Variants in CIT observed in about 807,000 individuals in gnomAD.
CIT encodes citron Rho-interacting kinase.
A neutral mutation model predicts 272.7 loss-of-function variants in CIT; 79 were observed. The ratio of observed to expected loss-of-function variants is 0.29; its 90% CI spans 0.24 to 0.35. The LOEUF (loss-of-function observed/expected upper bound fraction) is 0.35, where lower values mean the gene tolerates loss of function less well. CIT is among the 10% of genes least tolerant of loss of function. CIT has a pLI of 1.00. For synonymous variants in CIT, 948 were observed against 995.6 expected, an observed-to-expected ratio of 0.95 and a Z score of 0.90; for missense variants, 1,909 against 2,618.3, an observed-to-expected ratio of 0.73 and a Z score of 5.91.
chr12:119,747,802 C>A, intron 23 of CIT, among the ~76,000 whole-genome samples: 1 of 152,142 alleles, frequency 6.6e-6, no homozygotes, highest in East Asian at 1.9e-4. Flanking sequence ...ACTAACATTG[C>A]TTTTGCACCA....
At chr12:119,707,076 C>A (rs753009537) in intron 40 of CIT, among the ~76,000 whole-genome samples, 4 of 152,110 alleles carry the variant, frequency 2.6e-5, no homozygotes, top group Non-Finnish European at 5.9e-5. Context: ...GTCATAAATT[C>A]GAATTTTTAA....
intron 24 of CIT, among the ~76,000 whole-genome samples, chr12:119,738,622 A>G (rs778249176): frequency 4.6e-5 from 7 of 152,092 alleles, no homozygotes; most frequent in Non-Finnish European, 8.8e-5. Context: ...GGTGGCTCAC[A>G]CCTGTAATCC....
At chr12:119,698,762 A>C (rs1956378431) in intron 44 of CIT, among the ~76,000 whole-genome samples, 1 of 152,156 alleles carries the variant, frequency 6.6e-6, no homozygotes, top group Admixed American at 6.5e-5. Context: ...ATTTTTAAAA[A>C]GCTGGAAAAA....
chr12:119,827,705 G>A (rs1195215401), intron 7 of CIT, among the ~76,000 whole-genome samples: 2 of 152,162 alleles, frequency 1.3e-5, no homozygotes, highest in African/African-American at 4.8e-5. Flanking sequence ...CCAAAGTGCT[G>A]GGATTACAAG....
At chr12:119,691,171 CAA>C (rs35222584) in intron 46 of CIT, among the ~76,000 whole-genome samples, 1,398 of 70,216 alleles carry the variant, frequency 0.02, 7 homozygotes, top group African/African-American at 0.07. Context: ...GACTCCGTCT[CAA>C]AAAAAAAAAA....
chr12:119,688,355 C>A (rs1346934248), intron 47 of CIT, 100 bp from the exon 48 acceptor site: 40 of 1,198,964 alleles, frequency 3.3e-5, no homozygotes, highest in Non-Finnish European at 1.2e-6. Context: ...CTGGGCTATC[C>A]CCTTCAGCAG....
chr12:119,739,414 CATA>C (rs1247539832), intron 24 of CIT, among the ~76,000 whole-genome samples: 2 of 152,040 alleles, frequency 1.3e-5, no homozygotes, highest in Non-Finnish European at 2.9e-5. Flanking sequence ...TGGGAACTCC[CATA>C]ATAACTCATT....
At chr12:119,870,517 T>G (rs1950638271) in intron 2 of CIT, among the ~76,000 whole-genome samples, 1 of 116,628 alleles carries the variant, frequency 8.6e-6, no homozygotes, top group African/African-American at 3.4e-5. Context: ...ACCACCGCAC[T>G]CCAGCCTAGG....
intron 4 of CIT, 36 bp from the exon 5 acceptor site, chr12:119,850,311 G>C (rs1970120674): frequency 7.5e-7 from 1 of 1,334,848 alleles, no homozygotes; most frequent in East Asian, 2.4e-5. Flanking sequence ...CAATTATAAA[G>C]AACTGTGAGA....
At chr12:119,766,013 A>G (rs2137542755) in intron 19 of CIT, among the ~76,000 whole-genome samples, 1 of 152,292 alleles carries the variant, frequency 6.6e-6, no homozygotes, top group East Asian at 1.9e-4. Context: ...GGATGAATGG[A>G]TAAAGAAAAT....
At chr12:119,875,266 G>A (rs1468814949) in intron 2 of CIT, among the ~76,000 whole-genome samples, 1 of 152,196 alleles carries the variant, frequency 6.6e-6, no homozygotes, top group African/African-American at 2.4e-5. Context: ...TTGTGCCAAT[G>A]CACTCCAGCC....
At chr12:119,776,928 A>C in intron 13 of CIT, 86 bp from the exon 14 acceptor site, 1 of 1,380,128 alleles carries the variant, frequency 7.2e-7, no homozygotes, top group Non-Finnish European at 1.0e-6. Context: ...TATTAACCAC[A>C]CAGGGAAGAT....
At chr12:119,802,786 C>T (rs1052852117) in intron 10 of CIT, among the ~76,000 whole-genome samples, 1 of 152,210 alleles carries the variant, frequency 6.6e-6, no homozygotes, top group Non-Finnish European at 1.5e-5. Flanking sequence ...ATTCTTTATA[C>T]AGCCAAGATA....
chr12:119,701,924 T>C lies in CIT; in HGVS notation c.5339A>G (p.His1780Arg). 2 of 1,613,918 alleles carry C rather than the reference T, an allele frequency of 1.2e-6. No individual in the cohort carries two copies. The highest frequency in any genetic ancestry group is 2.2e-5 in the East Asian group (1 of 44,876). The change falls in exon 42 of 48, where the codon CAC becomes CGC. Residue 1780 changes from histidine to arginine, a missense_variant. By Grantham distance (29) the His-to-Arg change is conservative. Transcript: ENST00000392521. ...IETSEPCSCI[H>R]FTNYSILIGT... Reference sequence around the variant, plus strand: ...AATGAGGATACTGTAATTGGTGAAGTGGATACAGCTGCAGGGCTCTGAGGT... The same window carrying C: ...AATGAGGATACTGTAATTGGTGAAGCGGATACAGCTGCAGGGCTCTGAGGT...
chr12:119,719,667 T>C (rs1957729319), intron 30 of CIT, among the ~76,000 whole-genome samples: 1 of 152,130 alleles, frequency 6.6e-6, no homozygotes, highest in South Asian at 2.1e-4. Context: ...ACTTCAGCCC[T>C]CCACTCCTTC....
At chr12:119,704,817 G>A (rs1956789316) in intron 40 of CIT, among the ~76,000 whole-genome samples, 1 of 152,208 alleles carries the variant, frequency 6.6e-6, no homozygotes, top group Non-Finnish European at 1.5e-5. Context: ...TTCTGCTGGA[G>A]ACAGAATCTT....
intron 30 of CIT, among the ~76,000 whole-genome samples, chr12:119,719,947 T>G (rs1957741533): frequency 6.6e-6 from 1 of 152,218 alleles, no homozygotes; most frequent in Admixed American, 6.5e-5. Flanking sequence ...GGTTGTTCAG[T>G]ACTTGGCAGA....
chr12:119,715,175 A>G (rs527566275), intron 32 of CIT, among the ~76,000 whole-genome samples: 2 of 152,110 alleles, frequency 1.3e-5, no homozygotes, highest in Non-Finnish European at 2.9e-5. Flanking sequence ...TTTGCCTTCC[A>G]CCATGATTGT....
intron 3 of CIT, among the ~76,000 whole-genome samples, chr12:119,868,775 C>T (rs964170742): frequency 2.6e-5 from 4 of 152,124 alleles, no homozygotes; most frequent in African/African-American, 4.8e-5. Context: ...TGGGCTCAAG[C>T]GATTCACCCA....
Sources: gnomAD v4.1 joint callset for allele counts (sites outside exome capture counted in the v4.1 genomes callset) on GRCh38, gnomAD v4.1.1 for gene constraint, MANE v1.5 for transcripts, NCBI Gene and HGNC (gene_info 2026-07-23, HGNC 2026-07-21) for gene names.